The following ARHGAP39 variants were observed in gnomAD, a reference collection of about 807,000 sequenced individuals.
The protein encoded by ARHGAP39 is Rho GTPase activating protein 39, also known as rho GTPase-activating protein 39.
A neutral mutation model predicts 106.9 loss-of-function variants in ARHGAP39; 44 were observed. The ratio of observed to expected loss-of-function variants is 0.41; its 90% CI spans 0.32 to 0.53. ARHGAP39 has a LOEUF of 0.53. Ranked by LOEUF, ARHGAP39 falls within the 20% of genes least tolerant of loss-of-function variation. ARHGAP39 has a pLI of 0.21. For missense variants in ARHGAP39, 1,496 were observed against 1,577.3 expected, an observed-to-expected ratio of 0.95 and a Z score of 0.87; for synonymous variants, 768 against 693.2, an observed-to-expected ratio of 1.11 and a Z score of -1.69.
intron 2 of ARHGAP39, among the ~76,000 whole-genome samples, chr8:144,601,170 A>G (rs1819905195): frequency 2.7e-5 from 3 of 111,104 alleles, no homozygotes; most frequent in Non-Finnish European, 3.7e-5. Context: ...GTGTGCATGG[A>G]GGCGTGCGTG....
At chr8:144,642,864 T>C (rs548454707) in intron 1 of ARHGAP39, among the ~76,000 whole-genome samples, 17 of 152,260 alleles carry the variant, frequency 1.1e-4, no homozygotes, top group African/African-American at 3.9e-4. Context: ...AACAGACTAA[T>C]ACATCAGGTG....
Position 144,591,067 on chromosome 8 carries a change from T to TC in ARHGAP39, c.81-9791dup, listed in dbSNP as rs1392640999. ...CAAAGCCCCCATCCCCCTGGTCCAC[T>TC]CCTCAGCCTGGCCGGTCTCTGTCAC... On this transcript the variant is annotated intron_variant, in intron 2 of 11. Coordinates refer to ENST00000377307, the MANE Select transcript of ARHGAP39 (RefSeq NM_025251.3). This position sits in a 1 kb window ranked among gnomAD's most constrained non-coding sequence, Gnocchi z 5.3. Among the ~76,000 whole-genome samples, 74 of 152,262 alleles carry TC rather than the reference T, an allele frequency of 4.9e-4. No homozygotes were observed. The highest frequency in any genetic ancestry group is 1.7e-3 in the African/African-American group (71 of 41,550).
At chr8:144,589,411 G>A (rs547056719) in intron 2 of ARHGAP39, among the ~76,000 whole-genome samples, 3 of 152,284 alleles carry the variant, frequency 2.0e-5, no homozygotes, top group African/African-American at 4.8e-5. Flanking sequence ...GGACAGGAGC[G>A]CCCAGAGCAG....
Position 144,564,437 on chromosome 8 carries a change from C to G in ARHGAP39, c.513-8794G>C, listed in dbSNP as rs911130400. 3.9e-5 allele frequency among the ~76,000 whole-genome samples: 6 copies of G among 152,212 alleles called. No homozygotes were observed. In the South Asian group the frequency reaches 1.2e-3, roughly 32 times the overall value. On this transcript the variant is annotated intron_variant, in intron 3 of 11. Coordinates refer to ENST00000377307, the MANE Select transcript of ARHGAP39 (RefSeq NM_025251.3). ...GGAAGTTCTTGCTCCTCAGAATGCA[C>G]TGAATCTCTACCAATAACTTGGAGA...
chr8:144,679,329 T>C lies in ARHGAP39; in HGVS notation c.-82+6357A>G, dbSNP rs1426275844. Among the ~76,000 whole-genome samples, 1 of 152,194 alleles carries C rather than the reference T, an allele frequency of 6.6e-6. No individual in the cohort carries two copies. Among genetic ancestry groups the C allele is most frequent in the East Asian group, 1.9e-4 (1 of 5,186 alleles). The stretch of plus-strand genomic sequence containing the variant: ...ACACCCTGCTTTGGTCCGTGGACCC[T>C]GAGATGCCAGTCCAGGATGGTGCCG... On this transcript the variant is annotated intron_variant, in intron 1 of 11. Coordinates refer to ENST00000377307, the MANE Select transcript of ARHGAP39 (RefSeq NM_025251.3). The surrounding 1 kb of genome is among the most constrained non-coding windows in gnomAD (Gnocchi z 4.7).
chr8:144,594,172 G>A (rs1734914568), intron 2 of ARHGAP39, among the ~76,000 whole-genome samples: 1 of 151,516 alleles, frequency 6.6e-6, no homozygotes, highest in Admixed American at 6.6e-5. Flanking sequence ...AAGAAGATAT[G>A]CAGATGGCCA....
intron 2 of ARHGAP39, among the ~76,000 whole-genome samples, chr8:144,602,594 G>A (rs1377194880): frequency 7.1e-6 from 1 of 141,816 alleles, no homozygotes; most frequent in Non-Finnish European, 1.5e-5. Context: ...GTGTGTGGAG[G>A]TGTGTGTGCG....
chr8:144,581,404 C>G lies in ARHGAP39; in HGVS notation c.81-127G>C, dbSNP rs11994753. ...AATCCTGTCATAGAGGAAAGCAAAC[C>G]CAAGCCCAGTCCGCCCCTGACTGCT... On this transcript the variant is annotated intron_variant, in intron 2 of 11. Transcript: ENST00000377307. 0.015 allele frequency: 17,091 copies of G among 1,103,716 alleles called. 1,850 individuals carry two copies. The African/African-American group carries it at 0.24, about 15-fold the overall frequency. 68.4% of individuals were successfully genotyped at this position (1,103,716 alleles called of 1,614,324 possible).
rs1822069336 is a variant in ARHGAP39 at position 144,670,244 on chromosome 8, T to C, written c.-82+15442A>G. Among the ~76,000 whole-genome samples, 1 of 152,056 alleles carries C rather than the reference T, an allele frequency of 6.6e-6. No individual in the cohort carries two copies. The highest frequency in any genetic ancestry group is 1.5e-5 in the Non-Finnish European group (1 of 68,016). On this transcript the variant is annotated intron_variant, in intron 1 of 11. Coordinates refer to ENST00000377307, the MANE Select transcript of ARHGAP39 (RefSeq NM_025251.3). This position sits in a 1 kb window ranked among gnomAD's most constrained non-coding sequence, Gnocchi z 4.4. ...CGTACCGGGAAGCTGGATGAGGGCCTGGGACCAGGCGGCTGTAAAAAGCAA... is the reference window on the plus strand; with the variant it reads ...CGTACCGGGAAGCTGGATGAGGGCCCGGGACCAGGCGGCTGTAAAAAGCAA...
chr8:144,658,179 G>A (rs189439759), intron 1 of ARHGAP39, among the ~76,000 whole-genome samples: 75 of 152,136 alleles, frequency 4.9e-4, no homozygotes, highest in Non-Finnish European at 7.6e-4. Context: ...GCGCGATCTT[G>A]GCTCACTGTA....
intron 4 of ARHGAP39, among the ~76,000 whole-genome samples, chr8:144,552,227 C>G (rs573407165): frequency 6.6e-6 from 1 of 152,364 alleles, no homozygotes; most frequent in South Asian, 2.1e-4. Context: ...GCCCTGAGGG[C>G]TGCTTCTCCC....
chr8:144,563,612 C>A (rs1447460807), intron 3 of ARHGAP39, among the ~76,000 whole-genome samples: 1 of 151,380 alleles, frequency 6.6e-6, no homozygotes, highest in Non-Finnish European at 1.5e-5. Flanking sequence ...ATAGTGAGAC[C>A]TTATCTCTAT....
At chr8:144,552,358 G>C (rs548806334) in intron 4 of ARHGAP39, among the ~76,000 whole-genome samples, 1 of 152,382 alleles carries the variant, frequency 6.6e-6, no homozygotes, top group Admixed American at 6.5e-5. Context: ...TCCCTGCAGA[G>C]CCTGGACGGA....
In ARHGAP39 at chr8:144,542,323, C is replaced by T. The variant is rs545149790; in HGVS notation, c.2521+2926G>A. ...GACAAGGCTAAGCTGGGGGCATCAC[C>T]TCGTGGGGCCTCAGTCCCCGAGGGT... On this transcript the variant is annotated intron_variant, in intron 6 of 11. Transcript: ENST00000377307. Among the ~76,000 whole-genome samples the T allele has an allele frequency of 6.6e-5, 10 of 152,330 alleles. 1 individual carries two copies. In the South Asian group the frequency reaches 1.9e-3, roughly 28 times the overall value.
intron 3 of ARHGAP39, among the ~76,000 whole-genome samples, chr8:144,568,851 A>G (rs747295215): frequency 1.3e-5 from 2 of 151,924 alleles, no homozygotes; most frequent in Non-Finnish European, 2.9e-5. Flanking sequence ...GTGAATTTTA[A>G]AATGCTCGAT....
At chr8:144,693,522 C>G in the ARHGAP39 span, among the ~76,000 whole-genome samples, 1 of 152,076 alleles carries the variant, frequency 6.6e-6, no homozygotes, top group African/African-American at 2.4e-5. Flanking sequence ...TACAGGCGCC[C>G]GCTGCCACCC....
chr8:144,664,609 C>G (rs559189041), intron 1 of ARHGAP39, among the ~76,000 whole-genome samples: 16 of 152,282 alleles, frequency 1.1e-4, no homozygotes, highest in African/African-American at 3.4e-4. Flanking sequence ...GGGAGGGACC[C>G]AGGAGGAGGT....
rs1046975370 is a variant in ARHGAP39 at position 144,644,274 on chromosome 8, G to A, written c.-81-38579C>T. ...CTAAAAGAGCCCTCCAGAAACCCTGGAGAAAGTGTTTTAAAAAACAAAAGA... is the reference window on the plus strand; with the variant it reads ...CTAAAAGAGCCCTCCAGAAACCCTGAAGAAAGTGTTTTAAAAAACAAAAGA... On this transcript the variant is annotated intron_variant, in intron 1 of 11. Coordinates refer to ENST00000377307, the MANE Select transcript of ARHGAP39 (RefSeq NM_025251.3). The surrounding 1 kb of genome is among the most constrained non-coding windows in gnomAD (Gnocchi z 4.8). Among the ~76,000 whole-genome samples the A allele has an allele frequency of 2.0e-5, 3 of 152,276 alleles. No individual in the cohort carries two copies. The highest frequency in any genetic ancestry group is 1.3e-4 in the Admixed American group (2 of 15,302).
At chr8:144,657,459 G>A (rs563300342) in intron 1 of ARHGAP39, among the ~76,000 whole-genome samples, 17 of 152,094 alleles carry the variant, frequency 1.1e-4, no homozygotes, top group African/African-American at 4.1e-4. Flanking sequence ...GACCCTGTCT[G>A]GAAGATGCAT....
Sources: gnomAD v4.1 joint callset for allele counts (sites outside exome capture counted in the v4.1 genomes callset) on GRCh38, gnomAD v4.1.1 for gene constraint, Gnocchi (gnomAD v3.1) non-coding constraint, MANE v1.5 for transcripts, NCBI Gene and HGNC (gene_info 2026-07-23, HGNC 2026-07-21) for gene names.